The following DET1 variants were observed in gnomAD, a reference collection of about 807,000 sequenced individuals.
DET1 encodes the protein DET1 partner of COP1 E3 ubiquitin ligase.
Under a neutral mutation model 43.7 loss-of-function variants are expected in DET1, and 22 were observed. The observed-to-expected ratio is 0.50, with a 90% confidence interval of 0.36 to 0.72. The LOEUF is 0.72. Among genes scored for constraint, DET1 ranks in the 30% least tolerant of loss-of-function variants. The pLI is 0.00. For synonymous variants in DET1, 315 were observed against 266.2 expected (o/e 1.18, Z -1.79); for missense variants, 713 against 713.3 (o/e 1.00, Z 0.00).
At chr15:88,502,315 C>T (rs144677635) in intron 8 of DET1, 1 of 152,354 alleles carries the variant, frequency 6.6e-6, no homozygotes, top group African/African-American at 2.4e-5. Flanking sequence ...TCCCCAACTT[C>T]TCCTTTCTTT....
At chr15:88,514,000 C>T (rs539337201) in intron 4 of DET1, among the ~76,000 whole-genome samples, 10 of 149,716 alleles carry the variant, frequency 6.7e-5, no homozygotes, top group East Asian at 1.9e-4. Context: ...GGGGTTTCAC[C>T]GTGTTAGCCA....
chr15:88,511,157 C>T (rs2056196437), downstream of DET1, among the ~76,000 whole-genome samples: 1 of 152,166 alleles, frequency 6.6e-6, no homozygotes, highest in Non-Finnish European at 1.5e-5. Context: ...TTTCATCCAT[C>T]CAGGGGCCCA....
At chr15:88,514,116 A>G (rs949342571) in intron 4 of DET1, among the ~76,000 whole-genome samples, 1 of 152,088 alleles carries the variant, frequency 6.6e-6, no homozygotes, top group Non-Finnish European at 1.5e-5. Context: ...ATTCTTTTAA[A>G]AGGTTCTTTT....
chr15:88,527,491 C>G (rs950661843), intron 3 of DET1, 108 bp downstream of exon 3: 1 of 1,035,758 alleles, frequency 9.7e-7, no homozygotes, highest in Non-Finnish European at 1.3e-6. Flanking sequence ...GCAGAATAAC[C>G]AAAGCTATGT....
At chr15:88,544,771 G>A (rs2057203572) in intron 1 of DET1, among the ~76,000 whole-genome samples, 1 of 152,082 alleles carries the variant, frequency 6.6e-6, no homozygotes, top group Admixed American at 6.5e-5. Context: ...CTAAAACTGT[G>A]CCTAAGTCAG....
In DET1 at chr15:88,513,706, C is replaced by G. The variant is rs1043482516; in HGVS notation, c.1464-566G>C. Among the ~76,000 whole-genome samples the G allele has an allele frequency of 4.0e-5, 6 of 149,856 alleles. No individual in the cohort carries two copies. The South Asian group carries it at 6.3e-4, about 16-fold the overall frequency. ...CTTGAACTAGCCACATTTTAAGTAC[C>G]CAATTGCCACATGTGGCTAGTGTCT... On this transcript the variant is annotated intron_variant, in intron 4 of 4. Coordinates refer to ENST00000268148, the MANE Select transcript of DET1 (RefSeq NM_001144074.3).
chr15:88,543,161 G>A (rs11633528), intron 1 of DET1, among the ~76,000 whole-genome samples: 20,981 of 152,152 alleles, frequency 0.14, 1,521 homozygotes, highest in South Asian at 0.19. Flanking sequence ...GTCCATGAGA[G>A]CCAGGGAATT....
chr15:88,519,084 G>T (rs181436613), intron 3 of DET1, among the ~76,000 whole-genome samples: 1 of 152,210 alleles, frequency 6.6e-6, no homozygotes, highest in East Asian at 1.9e-4. Flanking sequence ...CTGACTCACC[G>T]ACTCCCTGGC....
chr15:88,508,105 A>AC (rs1249950818), downstream of DET1, among the ~76,000 whole-genome samples: 1 of 152,182 alleles, frequency 6.6e-6, no homozygotes, highest in Non-Finnish European at 1.5e-5. Flanking sequence ...GTTTCCCAAC[A>AC]CCCCCAGATG....
In DET1 at chr15:88,532,320, A is replaced by G. The variant is rs1197462399; in HGVS notation, c.-10-605T>C. On this transcript the variant is annotated intron_variant, in intron 1 of 4. Transcript: ENST00000268148. ...TCTATCTCAAACAAACAAACAAAAA[A>G]ATCATATTCAATGTGCATTCATTCC... 2.0e-5 allele frequency among the ~76,000 whole-genome samples: 3 copies of G among 152,110 alleles called. No homozygotes were observed. The East Asian group carries it at 5.8e-4, about 29-fold the overall frequency.
intron 4 of DET1, among the ~76,000 whole-genome samples, chr15:88,515,741 T>C (rs920934287): frequency 6.6e-6 from 1 of 151,928 alleles, no homozygotes; most frequent in African/African-American, 2.4e-5. Context: ...TGTTACTTGT[T>C]TTGCTAGGAT....
At chr15:88,524,273 C>G (rs568721376) in intron 3 of DET1, among the ~76,000 whole-genome samples, 2 of 151,242 alleles carry the variant, frequency 1.3e-5, no homozygotes, top group African/African-American at 2.4e-5. Flanking sequence ...GGAGCCCCTC[C>G]GCCTGGCAGC....
chr15:88,531,835 C>T lies in DET1; in HGVS notation c.-10-120G>A. The T allele has an allele frequency of 1.1e-6, 1 of 934,608 alleles. No homozygotes were observed. Among genetic ancestry groups the T allele is most frequent in the East Asian group, 2.6e-5 (1 of 37,798 alleles). 57.9% of individuals were successfully genotyped at this position (934,608 alleles called of 1,614,324 possible). ...CTGAACCTAGGAGCTCCCAAGATGA[C>T]AGTGACTGGCATTACTACTTCCCAG... On this transcript the variant is annotated intron_variant, in intron 1 of 4. Transcript: ENST00000268148. This position sits in a 1 kb window ranked among gnomAD's most constrained non-coding sequence, Gnocchi z 6.2.
intron 3 of DET1, among the ~76,000 whole-genome samples, chr15:88,521,895 G>T (rs1402805040): frequency 1.3e-5 from 2 of 150,712 alleles, no homozygotes; most frequent in African/African-American, 2.5e-5. Flanking sequence ...TGACTGTACT[G>T]GATACTAGAT....
rs1384196462 is a variant in DET1 at position 88,515,538 on chromosome 15, TATAAAAA to T, written c.1463+1237_1463+1243del. Among the ~76,000 whole-genome samples the T allele has an allele frequency of 7.2e-4, 34 of 47,480 alleles. 3 individuals carry two copies. Among genetic ancestry groups the T allele is most frequent in the Admixed American group, 2.6e-3 (7 of 2,720 alleles). The allele number at this position is 47,480 out of a possible 152,430, so 31.1% of individuals were successfully genotyped here. A position where few individuals can be genotyped will look rare whatever the true frequency, so the allele number is the denominator to read the frequency against. On this transcript the variant is annotated intron_variant, in intron 4 of 4. Transcript: ENST00000268148. The stretch of plus-strand genomic sequence containing the variant: ...TGGGCAACAGACAGAGACTCCGTCT[TATAAAAA>T]AAAAAAAAAAAAAAAAAAAAAAAGA...
chr15:88,511,661 T>C (rs2056202781), downstream of DET1: 1 of 966,294 alleles, frequency 1.0e-6, no homozygotes, highest in South Asian at 4.8e-5. Flanking sequence ...ATCCTTGGCA[T>C]CCTGACATAG....
At chr15:88,529,260 C>T (rs552397087) in intron 2 of DET1, among the ~76,000 whole-genome samples, 15 of 152,212 alleles carry the variant, frequency 9.9e-5, no homozygotes, top group Non-Finnish European at 1.9e-4. Context: ...CTGGACAACA[C>T]TTTGATCCTA....
rs74452624 is a variant in DET1 at position 88,507,296 on chromosome 15, A to C, written c.*2066-3309T>G. ...CATGACTTAAAACATCCTCATCTGG[A>C]TATCTAATAGGCATTTCAAAACTAG... On this transcript the variant is annotated intron_variant and NMD_transcript_variant, in intron 7 of 8. Transcript: ENST00000557842. Among the ~76,000 whole-genome samples the C allele has an allele frequency of 2.2e-4, 34 of 152,276 alleles. No homozygotes were observed. The East Asian group carries it at 6.0e-3, about 27-fold the overall frequency.
At chr15:88,545,490 C>G (rs554387244) in intron 1 of DET1, among the ~76,000 whole-genome samples, 8 of 152,300 alleles carry the variant, frequency 5.3e-5, no homozygotes, top group African/African-American at 1.4e-4. Context: ...ATAACATCCC[C>G]TGGTATCAAA....
Sources: allele counts gnomAD v4.1 joint callset (sites outside exome capture counted in the v4.1 genomes callset), GRCh38; gene constraint gnomAD v4.1.1; non-coding constraint Gnocchi (gnomAD v3.1); transcripts MANE v1.5; gene names NCBI Gene and HGNC (gene_info 2026-07-23, HGNC 2026-07-21).